ASIC2: variants seen among roughly 807,000 people sequenced by gnomAD.
ASIC2 encodes the protein acid sensing ion channel subunit 2, also known as acid-sensing ion channel 2.
In ASIC2, 25 loss-of-function variants were observed where a neutral mutation model predicts 57.3. That is an observed-to-expected ratio of 0.44 (90% CI 0.32 to 0.61). The LOEUF (loss-of-function observed/expected upper bound fraction) is 0.61. Ranked by LOEUF, ASIC2 falls within the 20% of genes least tolerant of loss-of-function variation. ASIC2 has a pLI of 0.06. For synonymous variants in ASIC2, 319 were observed against 307.5 expected (o/e 1.04, Z -0.39); for missense variants, 641 against 738.1 (o/e 0.87, Z 1.52).
At chr17:33,305,815 T>C (rs1449587923) in intron 1 of ASIC2, among the ~76,000 whole-genome samples, 3 of 152,226 alleles carry the variant, frequency 2.0e-5, no homozygotes, top group Non-Finnish European at 1.5e-5. Context: ...CTTGGACACA[T>C]TGGCTATTCA....
In ASIC2 at chr17:33,333,590, A is replaced by G. The variant is rs574349479; in HGVS notation, c.556-221523T>C. Among the ~76,000 whole-genome samples, 6 of 152,302 alleles carry G rather than the reference A, an allele frequency of 3.9e-5. No individual in the cohort carries two copies. In the South Asian group the frequency reaches 1.2e-3, roughly 32 times the overall value. On this transcript the variant is annotated intron_variant, in intron 1 of 9. Coordinates refer to the ASIC2 transcript ENST00000359872. ...TCTTTTGGTGGTATGGTGATGAGCA[A>G]TTTCTTCCTTCTTTTTTTCTACTTC...
At chr17:33,293,347 G>T (rs964332114), upstream of ASIC2, among the ~76,000 whole-genome samples, 13 of 152,148 alleles carry the variant, frequency 8.5e-5, no homozygotes, top group African/African-American at 3.1e-4. Context: ...TGGAGACGCG[G>T]TGCTGACGCG....
chr17:34,032,803 G>A (rs1907675071), intron 1 of ASIC2, among the ~76,000 whole-genome samples: 1 of 152,222 alleles, frequency 6.6e-6, no homozygotes, highest in South Asian at 2.1e-4. Flanking sequence ...AATGCAACAA[G>A]AAGAGCTAAC....
intron 1 of ASIC2, among the ~76,000 whole-genome samples, chr17:33,796,829 G>C (rs1911932467): frequency 6.6e-6 from 1 of 152,158 alleles, no homozygotes; most frequent in African/African-American, 2.4e-5. Flanking sequence ...TGAGCTCCAG[G>C]CTTGGCTCAC....
rs542593532 is a variant in ASIC2 at position 33,269,300 on chromosome 17, G to A, written c.708+22108C>T. On this transcript the variant is annotated intron_variant, in intron 1 of 9. Transcript: ENST00000225823. Reference sequence around the variant, plus strand: ...GGGAGATTTGTCTCCCTGACCCCCCGACCTAGAACCCCTGGGAGACACCTA... The same window carrying A: ...GGGAGATTTGTCTCCCTGACCCCCCAACCTAGAACCCCTGGGAGACACCTA... Among the ~76,000 whole-genome samples, 4 of 152,156 alleles carry A rather than the reference G, an allele frequency of 2.6e-5. No individual in the cohort carries two copies. In the East Asian group the frequency reaches 7.7e-4, roughly 29 times the overall value.
At chr17:33,161,027 G>T (rs1567768085) in intron 1 of ASIC2, among the ~76,000 whole-genome samples, 1 of 152,208 alleles carries the variant, frequency 6.6e-6, no homozygotes, top group African/African-American at 2.4e-5. Context: ...TTGCAGCATT[G>T]AAGGGGTTTC....
At chr17:33,985,587 A>T (rs1312447587) in intron 1 of ASIC2, among the ~76,000 whole-genome samples, 1 of 152,246 alleles carries the variant, frequency 6.6e-6, no homozygotes, top group African/African-American at 2.4e-5. Context: ...ATTAAGTTTA[A>T]CGAGTATCTG....
intron 1 of ASIC2, among the ~76,000 whole-genome samples, chr17:33,175,464 G>GTTT (rs71362880): frequency 5.3e-4 from 78 of 147,410 alleles, no homozygotes; most frequent in African/African-American, 1.8e-3. Flanking sequence ...TTATTTTATT[G>GTTT]TTTTTTTTTT....
chr17:33,035,241 TTTATGA>T lies in ASIC2; in HGVS notation c.988-6855_988-6850del, dbSNP rs1280801414. Among the ~76,000 whole-genome samples, 7 of 152,284 alleles carry T rather than the reference TTTATGA, an allele frequency of 4.6e-5. No individual in the cohort carries two copies. In the South Asian group the frequency reaches 1.2e-3, roughly 27 times the overall value. ...TCTTTTTCTGCAATTATTTAACATG[TTTATGA>T]TTGTTATTGTAAAGTTGCTGTTTTC... On this transcript the variant is annotated intron_variant, in intron 3 of 9. Transcript: ENST00000225823.
At chr17:33,116,388 C>A (rs533561761) in intron 1 of ASIC2, among the ~76,000 whole-genome samples, 1 of 152,314 alleles carries the variant, frequency 6.6e-6, no homozygotes, top group East Asian at 1.9e-4. Context: ...TATGCCTTAT[C>A]GCCCCCAGCC....
chr17:33,022,914 C>A (rs1485592622), intron 6 of ASIC2, among the ~76,000 whole-genome samples: 3 of 152,102 alleles, frequency 2.0e-5, no homozygotes, highest in Admixed American at 6.5e-5. Context: ...CCTGGGATAA[C>A]CTCAATTTTA....
chr17:34,098,288 T>C (rs1910619653), intron 1 of ASIC2, among the ~76,000 whole-genome samples: 1 of 152,196 alleles, frequency 6.6e-6, no homozygotes, highest in Non-Finnish European at 1.5e-5. Context: ...AGGCACCTAC[T>C]GACTTAACAG....
At chr17:33,557,968 T>C (rs1216584884) in intron 1 of ASIC2, among the ~76,000 whole-genome samples, 2 of 152,112 alleles carry the variant, frequency 1.3e-5, no homozygotes, top group Non-Finnish European at 2.9e-5. Flanking sequence ...GACTAATCTG[T>C]TACTCATTTG....
chr17:33,066,828 T>C (rs1363718170), intron 3 of ASIC2, among the ~76,000 whole-genome samples: 2 of 152,158 alleles, frequency 1.3e-5, no homozygotes, highest in Non-Finnish European at 2.9e-5. Flanking sequence ...AGGTCCTCTG[T>C]TGGACTCTGG....
chr17:33,690,313 C>T (rs1287210779), intron 1 of ASIC2, among the ~76,000 whole-genome samples: 2 of 152,152 alleles, frequency 1.3e-5, no homozygotes, highest in Admixed American at 1.3e-4. Context: ...ATCTTTGCTC[C>T]CTATGGCACC....
chr17:34,064,547 C>CTT (rs202213337), intron 1 of ASIC2, among the ~76,000 whole-genome samples: 11 of 151,766 alleles, frequency 7.2e-5, no homozygotes, highest in African/African-American at 2.4e-4. Context: ...AACTAAAGAG[C>CTT]TTTTTTTTTA....
intron 1 of ASIC2, among the ~76,000 whole-genome samples, chr17:33,928,325 A>G (rs1915865325): frequency 6.6e-6 from 1 of 151,964 alleles, no homozygotes; most frequent in South Asian, 2.1e-4. Flanking sequence ...TACGGCAGGG[A>G]CTCTGCAGCG....
At chr17:33,180,901 C>T (rs975851183) in intron 1 of ASIC2, among the ~76,000 whole-genome samples, 15 of 152,302 alleles carry the variant, frequency 9.8e-5, no homozygotes, top group South Asian at 4.1e-4. Flanking sequence ...CAATGCTCTG[C>T]TCCTTCTGGT....
At chr17:33,552,976 C>T (rs1434516336) in intron 1 of ASIC2, among the ~76,000 whole-genome samples, 3 of 152,108 alleles carry the variant, frequency 2.0e-5, no homozygotes, top group Non-Finnish European at 4.4e-5. Context: ...GAACCCTGGG[C>T]CCACTGGACA....
Sources: gnomAD v4.1 joint callset for allele counts (sites outside exome capture counted in the v4.1 genomes callset) on GRCh38, gnomAD v4.1.1 for gene constraint, MANE v1.5 for transcripts, NCBI Gene and HGNC (gene_info 2026-07-23, HGNC 2026-07-21) for gene names.